The following MYOM1 variants were observed in gnomAD, a reference collection of about 807,000 sequenced individuals.
MYOM1 encodes the protein myomesin 1.
MYOM1 carries 164 observed loss-of-function variants against 205.3 expected under a neutral mutation model. The observed-to-expected ratio is 0.80, with a 90% CI of 0.70 to 0.91. The LOEUF (loss-of-function observed/expected upper bound fraction) is 0.91. MYOM1 is among the 40% of genes least tolerant of loss of function. MYOM1 has a pLI of 0.00. For synonymous variants in MYOM1, 772 were observed against 789.4 expected, an observed-to-expected ratio of 0.98 and a Z score of 0.37; for missense variants, 2,011 against 2,127.3, an observed-to-expected ratio of 0.95 and a Z score of 1.08.
chr18:3,174,198 C>T lies in MYOM1; in HGVS notation c.1033G>A (p.Glu345Lys), dbSNP rs2080601688. 1 of 1,612,698 alleles carries T rather than the reference C, an allele frequency of 6.2e-7. No individual in the cohort carries two copies. Among genetic ancestry groups the T allele is most frequent in the African/African-American group, 1.3e-5 (1 of 74,868 alleles). ...HTLEINGCDF[E>K]DTAQYRASAM... ...GAGGCCCGGTACTGAGCTGTATCTT[C>T]AAAATCACATCTGAAAGAACAGACG... Residue 345 changes from glutamate to lysine, a missense_variant, in exon 7 of 38, where the codon GAA becomes AAA. Coordinates refer to ENST00000356443, the MANE Select transcript of MYOM1 (RefSeq NM_003803.4).
At chr18:3,202,430 T>G (rs1179289531) in intron 2 of MYOM1, among the ~76,000 whole-genome samples, 1 of 139,830 alleles carries the variant, frequency 7.2e-6, no homozygotes, top group Non-Finnish European at 1.5e-5. Flanking sequence ...TCCACTTATA[T>G]GCTGCCACAA....
At chr18:3,220,657 C>T (rs2144280621), upstream of MYOM1, among the ~76,000 whole-genome samples, 1 of 152,272 alleles carries the variant, frequency 6.6e-6, no homozygotes, top group Middle Eastern at 3.4e-3. Context: ...GTTGTGAGAG[C>T]CTGTGTTGTG....
intron 22 of MYOM1, among the ~76,000 whole-genome samples, chr18:3,104,005 A>C (rs2079417613): frequency 6.6e-6 from 1 of 152,264 alleles, no homozygotes; most frequent in African/African-American, 2.4e-5. Flanking sequence ...GGTTACATAA[A>C]GTGAAATAAC....
Position 3,215,182 on chromosome 18 carries a change from A to C in MYOM1, c.42T>G (p.Asp14Glu). 1.2e-6 allele frequency: 2 copies of C among 1,613,326 alleles called. No individual in the cohort carries two copies. Among genetic ancestry groups the C allele is most frequent in the East Asian group, 4.5e-5 (2 of 44,868 alleles). Residue 14 changes from aspartate to glutamate, a missense_variant, in exon 2 of 38, where the codon GAT (aspartate) becomes GAG (glutamate). Physicochemically the swap from Asp to Glu is conservative, Grantham distance 45. Coordinates refer to ENST00000356443, the MANE Select transcript of MYOM1 (RefSeq NM_003803.4). ...PFYQRCHQHYDLSYRNKDVRS... is the reference protein window; with the variant it reads ...PFYQRCHQHYELSYRNKDVRS... ...GCACGTCCTTGTTGCGGTAGCTGAG[A>C]TCATAGTGCTGGTGGCACCTCTGAT...
chr18:3,238,478 G>T, the MYOM1 span, among the ~76,000 whole-genome samples: 2 of 149,196 alleles, frequency 1.3e-5, no homozygotes, highest in Admixed American at 6.7e-5. Flanking sequence ...TAAATTGGTG[G>T]GGGGGTGGGG....
At chr18:3,095,699 A>G (rs1298788641) in intron 25 of MYOM1, among the ~76,000 whole-genome samples, 3 of 152,048 alleles carry the variant, frequency 2.0e-5, no homozygotes, top group African/African-American at 4.8e-5. Flanking sequence ...CAAAATCTCA[A>G]CTGCACCCCA....
intron 2 of MYOM1, among the ~76,000 whole-genome samples, chr18:3,196,449 T>C (rs954709107): frequency 1.3e-5 from 2 of 152,254 alleles, no homozygotes; most frequent in African/African-American, 4.8e-5. Flanking sequence ...ACTCAGTTTC[T>C]GAGTAGATAC....
the MYOM1 span, among the ~76,000 whole-genome samples, chr18:3,238,312 A>G: frequency 6.6e-6 from 1 of 152,302 alleles, no homozygotes; most frequent in Admixed American, 6.5e-5. Context: ...GAGCTCACGC[A>G]GTAATGTGAG....
At chr18:3,096,599 C>T (rs576412468) in intron 25 of MYOM1, among the ~76,000 whole-genome samples, 5 of 152,140 alleles carry the variant, frequency 3.3e-5, no homozygotes, top group Non-Finnish European at 1.5e-5. Flanking sequence ...AGCCACCACA[C>T]CTGGTTAAAT....
the MYOM1 span, among the ~76,000 whole-genome samples, chr18:3,226,052 G>T: frequency 1.3e-5 from 2 of 152,170 alleles, no homozygotes; most frequent in African/African-American, 4.8e-5. The surrounding 1 kb of genome is among the most constrained non-coding windows in gnomAD (Gnocchi z 4.6). Flanking sequence ...TCACATAATG[G>T]CATTCGCAAC....
chr18:3,224,397 C>T (rs1410552380), upstream of MYOM1, among the ~76,000 whole-genome samples: 1 of 152,180 alleles, frequency 6.6e-6, no homozygotes, highest in Non-Finnish European at 1.5e-5. Context: ...TGACATCTTG[C>T]ATCAGAATCC....
intron 34 of MYOM1, among the ~76,000 whole-genome samples, chr18:3,077,868 G>A (rs377461175): frequency 4.7e-4 from 72 of 152,208 alleles, no homozygotes; most frequent in African/African-American, 1.4e-3. Flanking sequence ...TGGAGCAGCT[G>A]CTCCCATTAC....
chr18:3,203,027 C>T (rs1396366862), intron 2 of MYOM1, among the ~76,000 whole-genome samples: 4 of 151,596 alleles, frequency 2.6e-5, no homozygotes, highest in Admixed American at 2.0e-4. Context: ...AGGAAACTAA[C>T]AACATACTTT....
At chr18:3,148,512 C>T (rs1270269395) in intron 13 of MYOM1, among the ~76,000 whole-genome samples, 1 of 151,912 alleles carries the variant, frequency 6.6e-6, no homozygotes, top group Non-Finnish European at 1.5e-5. Flanking sequence ...TACGAATGGG[C>T]AGGGGAAATT....
At chr18:3,092,915 C>G (rs1033760968) in intron 26 of MYOM1, among the ~76,000 whole-genome samples, 1 of 152,154 alleles carries the variant, frequency 6.6e-6, no homozygotes, top group Non-Finnish European at 1.5e-5. Flanking sequence ...AAGGGGAGTA[C>G]GTCTATATGC....
chr18:3,199,807 T>A (rs1197481204), intron 2 of MYOM1, among the ~76,000 whole-genome samples: 1 of 151,616 alleles, frequency 6.6e-6, no homozygotes, highest in African/African-American at 2.4e-5. Context: ...GCCACTGCAC[T>A]CCAGCCTGGG....
At chr18:3,202,051 G>A (rs529965830) in intron 2 of MYOM1, among the ~76,000 whole-genome samples, 2 of 152,194 alleles carry the variant, frequency 1.3e-5, no homozygotes, top group African/African-American at 2.4e-5. Flanking sequence ...CAGTGCAAAG[G>A]AGGGAGAAGG....
At chr18:3,130,088 G>C (rs2079853286) in intron 17 of MYOM1, among the ~76,000 whole-genome samples, 1 of 151,076 alleles carries the variant, frequency 6.6e-6, no homozygotes, top group African/African-American at 2.4e-5. Flanking sequence ...TGTCCCCCAG[G>C]CTGGAGTGCA....
chr18:3,104,749 T>TA (rs1396318702), intron 22 of MYOM1, among the ~76,000 whole-genome samples: 1 of 134,602 alleles, frequency 7.4e-6, no homozygotes, highest in Non-Finnish European at 1.6e-5. Flanking sequence ...TGGAATCTTT[T>TA]TTTTTTTTTT....
Sources: allele counts gnomAD v4.1 joint callset (sites outside exome capture counted in the v4.1 genomes callset), GRCh38; gene constraint gnomAD v4.1.1; non-coding constraint Gnocchi (gnomAD v3.1); transcripts MANE v1.5; gene names NCBI Gene and HGNC (gene_info 2026-07-23, HGNC 2026-07-21).